Variants in ADAM22 observed in about 807,000 individuals in gnomAD.
ADAM22 encodes the protein disintegrin and metalloproteinase domain-containing protein 22.
In ADAM22, 65 loss-of-function variants were observed where a neutral mutation model predicts 144.6. The observed-to-expected ratio is 0.45, with a 90% CI of 0.37 to 0.55. The LOEUF is 0.55. Ranked by LOEUF, ADAM22 falls within the 20% of genes least tolerant of loss-of-function variation. The probability of loss-of-function intolerance (pLI) is 0.00; values close to 1 mark genes in which losing one functional copy is unlikely to be tolerated. For synonymous variants in ADAM22, 391 were observed against 412.6 expected, an observed-to-expected ratio of 0.95 and a Z score of 0.63; for missense variants, 974 against 1,184.9, an observed-to-expected ratio of 0.82 and a Z score of 2.61.
At chr7:87,996,261 G>C (rs560441343) in intron 3 of ADAM22, among the ~76,000 whole-genome samples, 1 of 152,114 alleles carries the variant, frequency 6.6e-6, no homozygotes, top group Admixed American at 6.6e-5. Context: ...AGTTCAGGCT[G>C]CCATAACAAA....
At chr7:88,097,046 T>C (rs1157115421) in intron 4 of ADAM22, among the ~76,000 whole-genome samples, 1 of 151,942 alleles carries the variant, frequency 6.6e-6, no homozygotes, top group Non-Finnish European at 1.5e-5. Context: ...AAATGACCAC[T>C]GAATGCTAGT....
intron 7 of ADAM22, among the ~76,000 whole-genome samples, chr7:88,120,805 T>C (rs940525581): frequency 2.0e-5 from 3 of 152,242 alleles, no homozygotes; most frequent in Non-Finnish European, 4.4e-5. Flanking sequence ...TTATCGTTAT[T>C]GCTTTCTCTA....
At chr7:88,016,922 A>G (rs1235178954) in intron 3 of ADAM22, among the ~76,000 whole-genome samples, 1 of 152,168 alleles carries the variant, frequency 6.6e-6, no homozygotes, top group Admixed American at 6.5e-5. Flanking sequence ...GTTCAACACC[A>G]GCCTGGGCGT....
chr7:88,171,908 G>C (rs1844426893), intron 26 of ADAM22, among the ~76,000 whole-genome samples: 1 of 151,530 alleles, frequency 6.6e-6, no homozygotes. Flanking sequence ...ATTAATATTA[G>C]CTTTTCTTCA....
chr7:87,956,861 T>C (rs1202093650), intron 2 of ADAM22, among the ~76,000 whole-genome samples: 1 of 152,234 alleles, frequency 6.6e-6, no homozygotes, highest in East Asian at 1.9e-4. Flanking sequence ...CTATTTAAAA[T>C]AATGGTGCCG....
At chr7:88,195,826 A>G (rs183923515) in intron 31 of ADAM22, among the ~76,000 whole-genome samples, 86 of 152,214 alleles carry the variant, frequency 5.6e-4, no homozygotes, top group Admixed American at 3.4e-3. Context: ...TGAGAGAACT[A>G]TTTTTTAAGG....
chr7:88,150,798 A>G (rs566508504), intron 18 of ADAM22, among the ~76,000 whole-genome samples, 183 bp from the exon 19 acceptor site: 9 of 151,954 alleles, frequency 5.9e-5, no homozygotes, highest in African/African-American at 2.2e-4. Context: ...TTTATTTTTT[A>G]CCAAATACCC....
chr7:88,153,125 T>A, intron 20 of ADAM22, 96 bp from the exon 21 acceptor site: 1 of 742,952 alleles, frequency 1.3e-6, no homozygotes, highest in Non-Finnish European at 2.2e-6. Flanking sequence ...ACTGTAGTGA[T>A]GAAGAGTCCT....
At chr7:88,008,700 T>C (rs1356414153) in intron 3 of ADAM22, among the ~76,000 whole-genome samples, 2 of 151,362 alleles carry the variant, frequency 1.3e-5, no homozygotes, top group Non-Finnish European at 2.9e-5. Context: ...AATTGAACAA[T>C]GAGAACACAT....
intron 3 of ADAM22, among the ~76,000 whole-genome samples, chr7:88,039,315 C>G (rs28432284): frequency 6.7e-6 from 1 of 148,744 alleles, no homozygotes; most frequent in East Asian, 2.0e-4. Flanking sequence ...TGGTGGCACA[C>G]GCCTGTAGTC....
intron 26 of ADAM22, among the ~76,000 whole-genome samples, chr7:88,177,846 T>C (rs1001656624): frequency 1.3e-5 from 2 of 152,076 alleles, no homozygotes; most frequent in Non-Finnish European, 2.9e-5. Context: ...AGAAACCAAA[T>C]AAGAAAAAGA....
intron 4 of ADAM22, among the ~76,000 whole-genome samples, chr7:88,103,726 A>G (rs1460017066): frequency 6.6e-6 from 1 of 152,156 alleles, no homozygotes; most frequent in Non-Finnish European, 1.5e-5. Context: ...TTCCTGCAAC[A>G]TCTGTCTCAG....
intron 29 of ADAM22, among the ~76,000 whole-genome samples, chr7:88,185,391 T>G (rs1391510719): frequency 6.6e-6 from 1 of 152,198 alleles, no homozygotes; most frequent in Non-Finnish European, 1.5e-5. Flanking sequence ...ATTGGAAATG[T>G]AGTCTTCCAT....
At chr7:88,150,034 G>A (rs930262795) in intron 18 of ADAM22, among the ~76,000 whole-genome samples, 1 of 152,212 alleles carries the variant, frequency 6.6e-6, no homozygotes, top group African/African-American at 2.4e-5. Flanking sequence ...ATGTGAAGAT[G>A]TGAATGTGAA....
chr7:88,118,178 G>A (rs147926103), intron 7 of ADAM22, among the ~76,000 whole-genome samples: 385 of 152,176 alleles, frequency 2.5e-3, no homozygotes, highest in African/African-American at 8.2e-3. Flanking sequence ...AGAGGGAAAC[G>A]GAGTAATCCT....
intron 2 of ADAM22, among the ~76,000 whole-genome samples, chr7:87,960,040 A>T (rs1206975232): frequency 6.6e-6 from 1 of 152,096 alleles, no homozygotes; most frequent in Non-Finnish European, 1.5e-5. Flanking sequence ...CTTCTTATTA[A>T]TCTGGGCCCA....
intron 15 of ADAM22, among the ~76,000 whole-genome samples, chr7:88,143,631 C>G (rs904538879): frequency 1.3e-5 from 2 of 152,166 alleles, no homozygotes; most frequent in Admixed American, 6.6e-5. Context: ...TTGTCACAGG[C>G]TTTTACAACT....
intron 14 of ADAM22, among the ~76,000 whole-genome samples, chr7:88,139,509 A>G (rs1364521621): frequency 6.6e-6 from 1 of 152,124 alleles, no homozygotes; most frequent in South Asian, 2.1e-4. Flanking sequence ...TCTGGCAGAG[A>G]TATGTTGGAT....
At chr7:88,092,495 G>A (rs991617689) in intron 4 of ADAM22, among the ~76,000 whole-genome samples, 2 of 152,108 alleles carry the variant, frequency 1.3e-5, no homozygotes, top group Admixed American at 6.6e-5. Context: ...CTGCCACTAG[G>A]CATCATTTAG....
Sources: gnomAD v4.1 joint callset for allele counts (sites outside exome capture counted in the v4.1 genomes callset) on GRCh38, gnomAD v4.1.1 for gene constraint, MANE v1.5 for transcripts, NCBI Gene and HGNC (gene_info 2026-07-23, HGNC 2026-07-21) for gene names.